TRAF7: variants seen among roughly 807,000 people sequenced by gnomAD.
TRAF7 encodes TNF receptor associated factor 7.
Under a neutral mutation model 89.3 loss-of-function variants are expected in TRAF7, and 45 were observed. The observed-to-expected ratio is 0.50, with a 90% confidence interval of 0.40 to 0.65. The LOEUF (loss-of-function observed/expected upper bound fraction) is 0.65. Among genes scored for constraint, TRAF7 ranks in the 30% least tolerant of loss-of-function variants. The pLI is 0.00. For missense variants in TRAF7, 677 were observed against 918.1 expected, an observed-to-expected ratio of 0.74 and a Z score of 3.39; for synonymous variants, 406 against 369.2, an observed-to-expected ratio of 1.10 and a Z score of -1.14.
At chr16:2,176,016 T>A (rs756249267) in intron 18 of TRAF7, 33 bp from the exon 19 acceptor site, 1 of 1,610,112 alleles carries the variant, frequency 6.2e-7, no homozygotes, top group Non-Finnish European at 8.5e-7. Flanking sequence ...CCTTGCTCAG[T>A]GTCTTTGACC....
Position 2,176,548 on chromosome 16 carries a change from CTT to C in TRAF7, c.1999-10_1999-9del. The C allele has an allele frequency of 6.2e-7, 1 of 1,613,410 alleles. No homozygotes were observed. The highest frequency in any genetic ancestry group is 8.5e-7 in the Non-Finnish European group (1 of 1,180,012). On this transcript the variant is annotated splice_polypyrimidine_tract_variant and intron_variant, in intron 20 of 20. Transcript: ENST00000326181. The stretch of plus-strand genomic sequence containing the variant: ...CGCAGGACATCCTGGTGAAGCAGCC[CTT>C]TCTCTGCAGGTTTGGACTTGCTAAC...
At position 2,176,806 on chromosome 16, in the gene TRAF7, C is replaced by T. The variant is rs1031323746; in HGVS notation, c.*232C>T. 7 of 634,410 alleles carry T rather than the reference C, an allele frequency of 1.1e-5. No homozygotes were observed. Among genetic ancestry groups the T allele is most frequent in the East Asian group, 8.3e-5 (3 of 36,318 alleles). 39.3% of individuals were successfully genotyped at this position (634,410 alleles called of 1,614,324 possible). ...GTGCCAGGTACGACGCTTGCCCCGG[C>T]CCACCCTCCATCCCCACCCTCCATC... On this transcript the variant is annotated 3_prime_UTR_variant, in exon 21 of 21. Coordinates refer to ENST00000326181, the MANE Select transcript of TRAF7 (RefSeq NM_032271.3).
chr16:2,174,552 C>T (rs929743302), intron 14 of TRAF7, among the ~76,000 whole-genome samples: 5 of 152,146 alleles, frequency 3.3e-5, no homozygotes, highest in African/African-American at 9.7e-5. Context: ...CAATACCTGG[C>T]GCAGCCAGCC....
intron 5 of TRAF7, 98 bp downstream of exon 5, chr16:2,170,828 A>C: frequency 1.7e-6 from 2 of 1,191,286 alleles, no homozygotes; most frequent in Non-Finnish European, 2.4e-6. Context: ...CCCAGCTCAC[A>C]GGGAGAGGGC....
In TRAF7 at chr16:2,178,011, C is replaced by G; in HGVS notation, c.*1437C>G. The G allele has an allele frequency of 2.4e-6, 1 of 417,792 alleles. No individual in the cohort carries two copies. Among genetic ancestry groups the G allele is most frequent in the South Asian group, 2.1e-5 (1 of 46,724 alleles). 25.9% of individuals were successfully genotyped at this position (417,792 alleles called of 1,614,324 possible). On this transcript the variant is annotated 3_prime_UTR_variant, in exon 21 of 21. Transcript: ENST00000326181. ...GTCCTTTCAGTTGGTAAATGGTTTT[C>G]TATAGAATCAATAATATTTCTTTCT...
rs143997074 is a variant in TRAF7 at position 2,171,595 on chromosome 16, C to T, written c.465C>T (p.Ala155=). The change falls in exon 7 of 21, where the codon GCC becomes GCT. Residue 155 remains alanine, a synonymous_variant. Transcript: ENST00000326181. ...TCGHTFCRRC[A]LKSEKCPVDN... is the part of the protein sequence containing the mutation. ...AGCACACGTTCTGTAGGAGATGCGC[C>T]TTGAAGTCAGGTAGGTTTGTGCCCC... 40 of 1,613,198 alleles carry T rather than the reference C, an allele frequency of 2.5e-5. No individual in the cohort carries two copies. Among genetic ancestry groups the T allele is most frequent in the Non-Finnish European group, 3.2e-5 (38 of 1,179,924 alleles).
rs1388239425 is a variant in TRAF7, at chr16:2,161,025, G to T, written c.-38-2858G>T. 6.6e-6 allele frequency among the ~76,000 whole-genome samples: 1 copy of T among 152,092 alleles called. No individual in the cohort carries two copies. The highest frequency in any genetic ancestry group is 1.5e-5 in the Non-Finnish European group (1 of 67,974). On this transcript the variant is annotated intron_variant, in intron 1 of 20. Coordinates refer to ENST00000326181, the MANE Select transcript of TRAF7 (RefSeq NM_032271.3). The surrounding 1 kb of genome is among the most constrained non-coding windows in gnomAD (Gnocchi z 5.2). ...CTCGGGCATCTTGCTCAATTCCGAG[G>T]TGCGGGGATGGATCCTGCCTTAGGG... is the stretch of plus-strand genomic sequence containing the variant.
In TRAF7 at chr16:2,177,679, C is replaced by A; in HGVS notation, c.*1105C>A. The stretch of plus-strand genomic sequence containing the variant: ...AGGAGCTGCAAGCCCGTGGCCTGGC[C>A]TGCTACATGCCCTGCTTCCACGTGG... On this transcript the variant is annotated 3_prime_UTR_variant, in exon 21 of 21. Coordinates refer to ENST00000326181, the MANE Select transcript of TRAF7 (RefSeq NM_032271.3). 4.1e-6 allele frequency: 1 copy of A among 242,978 alleles called. No homozygotes were observed. The highest frequency in any genetic ancestry group is 8.1e-6 in the Non-Finnish European group (1 of 123,530). The allele number at this position is 242,978 out of a possible 1,614,324, so 15.1% of individuals were successfully genotyped here. A position where few individuals can be genotyped will look rare whatever the true frequency, so the allele number is the denominator to read the frequency against.
chr16:2,170,582 G>GC, intron 4 of TRAF7, 32 bp from the exon 5 acceptor site: 1 of 1,564,406 alleles, frequency 6.4e-7, no homozygotes, highest in Non-Finnish European at 8.8e-7. Context: ...CCCGTGCGGA[G>GC]CCCCCCGACA....
In TRAF7 at chr16:2,156,890, C is replaced by G. The variant is rs559175615; in HGVS notation, c.-39+1032C>G. On this transcript the variant is annotated intron_variant, in intron 1 of 20. Coordinates refer to ENST00000326181, the MANE Select transcript of TRAF7 (RefSeq NM_032271.3). ...GCAGGAGAGAGGGAGGCTAGGCCATCGTCTCCTAGTCCCCACTGGGGTCCT... is the reference window on the plus strand; with the variant it reads ...GCAGGAGAGAGGGAGGCTAGGCCATGGTCTCCTAGTCCCCACTGGGGTCCT... 2.0e-5 allele frequency among the ~76,000 whole-genome samples: 3 copies of G among 152,280 alleles called. No homozygotes were observed. In the East Asian group the frequency reaches 5.8e-4, roughly 29 times the overall value.
chr16:2,157,573 TCA>T (rs2093040239), intron 1 of TRAF7, among the ~76,000 whole-genome samples: 1 of 152,130 alleles, frequency 6.6e-6, no homozygotes, highest in Non-Finnish European at 1.5e-5. Flanking sequence ...TGTTCAGCCG[TCA>T]CACATCCCCA....
intron 1 of TRAF7, among the ~76,000 whole-genome samples, chr16:2,160,288 G>A (rs1335020192): frequency 1.3e-5 from 2 of 152,160 alleles, no homozygotes; most frequent in East Asian, 3.9e-4. Context: ...TCTGCACGGT[G>A]CTGACCCACG....
Position 2,163,960 on chromosome 16 carries a change from G to A in TRAF7, c.40G>A (p.Gly14Arg), listed in dbSNP as rs542651972. The A allele has an allele frequency of 7.9e-5, 128 of 1,612,572 alleles. No individual in the cohort carries two copies. The highest frequency in any genetic ancestry group is 3.3e-4 in the South Asian group (30 of 90,960). Reference sequence around the variant, plus strand: ...GAGTGCCCGCTACAACCGCTTCTCCGGGGGGCCCAGCAATCTTCCCACCCC... The same window carrying A: ...GAGTGCCCGCTACAACCGCTTCTCCAGGGGGCCCAGCAATCTTCCCACCCC... ...GKSARYNRFSGGPSNLPTPDV... is the reference protein window; with the variant it reads ...GKSARYNRFSRGPSNLPTPDV... The change falls in exon 2 of 21, where the codon GGG (glycine) becomes AGG (arginine). Residue 14 changes from glycine to arginine, a missense_variant. Gly to Arg is a moderately radical substitution (Grantham distance 125, BLOSUM62 -2). Around this residue, in one of 6 missense-constraint regions of TRAF7, gnomAD observed 240 missense variants for 191.9 expected, o/e 1.25. Coordinates refer to ENST00000326181, the MANE Select transcript of TRAF7 (RefSeq NM_032271.3). The surrounding 1 kb of genome is among the most constrained non-coding windows in gnomAD (Gnocchi z 4.3).
chr16:2,172,354 C>A lies in TRAF7; in HGVS notation c.639C>A (p.Thr213=). ...FEVDPRGCPF[T]IKLSARKDHE... The stretch of plus-strand genomic sequence containing the variant: ...TGGACCCCCGAGGGTGCCCCTTCAC[C>A]ATCAAGCTCAGCGCCCGGAAGTAAG... Residue 213 remains threonine (T), a synonymous_variant, in exon 8 of 21, where the codon ACC becomes ACA. Coordinates refer to ENST00000326181, the MANE Select transcript of TRAF7 (RefSeq NM_032271.3). The A allele has an allele frequency of 6.2e-7, 1 of 1,612,166 alleles. No individual in the cohort carries two copies. The highest frequency in any genetic ancestry group is 8.5e-7 in the Non-Finnish European group (1 of 1,179,748).
intron 2 of TRAF7, 130 bp downstream of exon 2, chr16:2,164,131 G>C: frequency 1.4e-6 from 1 of 731,134 alleles, no homozygotes; most frequent in Non-Finnish European, 2.2e-6. Flanking sequence ...CTCGGTGGGG[G>C]GGGGTGTGGT....
chr16:2,160,325 G>C (rs1382686003), intron 1 of TRAF7, among the ~76,000 whole-genome samples: 1 of 151,956 alleles, frequency 6.6e-6, no homozygotes, highest in Non-Finnish European at 1.5e-5. Context: ...GTCAGCACTG[G>C]CCTTCCCCAG....
In TRAF7 at chr16:2,175,970, T is replaced by C. The variant is rs112049203; in HGVS notation, c.1746+17T>C. On this transcript the variant is annotated intron_variant, in intron 18 of 20. Transcript: ENST00000326181. ...CTCATCCACGTAAGGCCTGGGCATC[T>C]GGGTGCAAGGCCAGACTGTGGCCCC... 4,418 of 1,612,950 alleles carry C rather than the reference T, an allele frequency of 2.7e-3. 19 individuals are homozygous for C. Among genetic ancestry groups the C allele is most frequent in the Middle Eastern group, 0.019 (117 of 6,062 alleles).
rs1322677206 is a variant in TRAF7 at position 2,163,900 on chromosome 16, C to A, written c.-21C>A. 2.5e-6 allele frequency: 4 copies of A among 1,608,860 alleles called. No homozygotes were observed. The highest frequency in any genetic ancestry group is 1.3e-5 in the African/African-American group (1 of 74,854). ...ACCCACAGGAGGTGCTTCCCAAGGA[C>A]CGTAGATGCCTCTCTAGAGCATGAG... On this transcript the variant is annotated 5_prime_UTR_variant, in exon 2 of 21. Transcript: ENST00000326181. This position sits in a 1 kb window ranked among gnomAD's most constrained non-coding sequence, Gnocchi z 4.3.
At chr16:2,174,422 C>T (rs2093126950) in intron 14 of TRAF7, 89 bp downstream of exon 14, 1 of 1,336,468 alleles carries the variant, frequency 7.5e-7, no homozygotes, top group Non-Finnish European at 1.0e-6. Context: ...GAGCTCGAGC[C>T]TGTGTAGCTA....
Sources: allele counts gnomAD v4.1 joint callset (sites outside exome capture counted in the v4.1 genomes callset), GRCh38; gene constraint gnomAD v4.1.1; regional missense constraint gnomAD v4.1.1; non-coding constraint Gnocchi (gnomAD v3.1); transcripts MANE v1.5; gene names NCBI Gene and HGNC (gene_info 2026-07-23, HGNC 2026-07-21).